Variants in ROBO2 observed in about 807,000 individuals in gnomAD.
The protein encoded by ROBO2 is roundabout homolog 2.
ROBO2 carries 53 observed loss-of-function variants against 160.8 expected under a neutral mutation model. The ratio of observed to expected loss-of-function variants is 0.33; its 90% CI spans 0.26 to 0.41. The LOEUF (loss-of-function observed/expected upper bound fraction) is 0.41. Ranked by LOEUF, ROBO2 falls within the 10% of genes least tolerant of loss-of-function variation. ROBO2 has a pLI of 1.00. For synonymous variants in ROBO2, 664 were observed against 611.7 expected, an observed-to-expected ratio of 1.09 and a Z score of -1.26; for missense variants, 1,577 against 1,722.4, an observed-to-expected ratio of 0.92 and a Z score of 1.49.
intron 2 of ROBO2, among the ~76,000 whole-genome samples, chr3:76,816,456 A>G (rs1057072284): frequency 1.3e-5 from 2 of 152,096 alleles, no homozygotes; most frequent in Admixed American, 1.3e-4. Flanking sequence ...CGTGTGATTC[A>G]GAGTGTAGCA....
chr3:75,926,084 C>T (rs567446836), intron 1 of ROBO2, among the ~76,000 whole-genome samples: 1 of 152,158 alleles, frequency 6.6e-6, no homozygotes, highest in East Asian at 1.9e-4. Context: ...ATATGATGGT[C>T]CTTAAATCTT....
At chr3:76,646,850 G>T (rs2090994929) in intron 2 of ROBO2, among the ~76,000 whole-genome samples, 1 of 152,126 alleles carries the variant, frequency 6.6e-6, no homozygotes, top group African/African-American at 2.4e-5. Flanking sequence ...ATAAAAAGTT[G>T]TTGACTAGGT....
rs12629130 is a variant in ROBO2, at chr3:77,124,307, G to T, written c.388+25967G>T. On this transcript the variant is annotated intron_variant, in intron 2 of 25. Transcript: ENST00000461745. ...AAAAATTGGAAGAGAGGAAAATGGA[G>T]CATATCAGAAGGAAATAGCACGGTG... is the stretch of plus-strand genomic sequence containing the variant. 1.1e-3 allele frequency among the ~76,000 whole-genome samples: 161 copies of T among 152,244 alleles called. 4 individuals carry two copies. In the East Asian group the frequency reaches 0.03, roughly 29 times the overall value.
chr3:77,242,820 A>G (rs1211588703), intron 2 of ROBO2, among the ~76,000 whole-genome samples: 4 of 151,200 alleles, frequency 2.6e-5, no homozygotes, highest in Non-Finnish European at 4.4e-5. Context: ...TAGAGTCTTC[A>G]AGTTGTACAT....
intron 2 of ROBO2, among the ~76,000 whole-genome samples, chr3:76,663,662 G>A (rs2091912352): frequency 1.3e-5 from 2 of 152,132 alleles, no homozygotes; most frequent in East Asian, 3.9e-4. Flanking sequence ...CTAATTGGAA[G>A]AAAGAATGAG....
chr3:76,442,369 T>C (rs2076963780), intron 2 of ROBO2, among the ~76,000 whole-genome samples: 1 of 152,182 alleles, frequency 6.6e-6, no homozygotes, highest in Admixed American at 6.6e-5. Context: ...CAGAGACTTC[T>C]TCAGACGTTT....
chr3:77,356,353 G>C (rs1367151455), intron 2 of ROBO2, among the ~76,000 whole-genome samples: 1 of 152,052 alleles, frequency 6.6e-6, no homozygotes, highest in African/African-American at 2.4e-5. Flanking sequence ...GAGAATGAAA[G>C]AGAGAGACAG....
At chr3:76,943,802 G>A (rs1342352777) in intron 2 of ROBO2, among the ~76,000 whole-genome samples, 3 of 152,038 alleles carry the variant, frequency 2.0e-5, no homozygotes, top group Non-Finnish European at 1.5e-5. Flanking sequence ...GTCTTACTGC[G>A]TGCCAAATAT....
chr3:76,965,555 G>A (rs1019171056), intron 2 of ROBO2, among the ~76,000 whole-genome samples: 6 of 151,870 alleles, frequency 4.0e-5, no homozygotes, highest in Non-Finnish European at 8.8e-5. Context: ...TTGGAGCATT[G>A]GAATGGGTAT....
intron 2 of ROBO2, among the ~76,000 whole-genome samples, chr3:77,463,542 G>T (rs1330022876): frequency 6.6e-6 from 1 of 151,728 alleles, no homozygotes; most frequent in Admixed American, 6.6e-5. Context: ...TTTTATATAT[G>T]GGACAGGGTT....
intron 2 of ROBO2, among the ~76,000 whole-genome samples, chr3:77,243,580 C>T (rs2089331099): frequency 1.3e-5 from 2 of 152,166 alleles, no homozygotes; most frequent in African/African-American, 2.4e-5. Flanking sequence ...TAGTCCCCTC[C>T]ATTTTTCTTG....
intron 2 of ROBO2, among the ~76,000 whole-genome samples, chr3:76,178,849 G>A (rs192326807): frequency 6.6e-6 from 1 of 152,104 alleles, no homozygotes; most frequent in Non-Finnish European, 1.5e-5. Context: ...GCTGAAGCAG[G>A]AGAATCGCTT....
chr3:76,085,136 C>CAT (rs1349287543), intron 2 of ROBO2, among the ~76,000 whole-genome samples: 2 of 151,804 alleles, frequency 1.3e-5, no homozygotes, highest in Non-Finnish European at 2.9e-5. Flanking sequence ...CACACACACA[C>CAT]ACACATACGT....
chr3:77,502,513 C>T (rs971097468), intron 5 of ROBO2, among the ~76,000 whole-genome samples: 5 of 151,926 alleles, frequency 3.3e-5, no homozygotes, highest in African/African-American at 9.7e-5. Flanking sequence ...CTTCTCAACA[C>T]TATATTGGGT....
chr3:77,327,772 A>G lies in ROBO2; in HGVS notation c.389-149642A>G, dbSNP rs545698155. ...AAAAAACATTGAAGATTTAATGGCCAGGTGTCGTGGCTCATGCCTGTAATC... is the reference window on the plus strand; with the variant it reads ...AAAAAACATTGAAGATTTAATGGCCGGGTGTCGTGGCTCATGCCTGTAATC... On this transcript the variant is annotated intron_variant, in intron 2 of 25. Coordinates refer to ENST00000461745, the Ensembl canonical transcript of ROBO2. Among the ~76,000 whole-genome samples, 5 of 152,242 alleles carry G rather than the reference A, an allele frequency of 3.3e-5. 1 individual carries two copies. The South Asian group carries it at 8.3e-4, about 25-fold the overall frequency.
chr3:76,800,296 A>G (rs2608131), intron 2 of ROBO2, among the ~76,000 whole-genome samples: 128,830 of 152,172 alleles, frequency 0.85, 54,663 homozygotes, highest in African/African-American at 0.87. Flanking sequence ...AGACTCTTCA[A>G]GACATTGGCC....
chr3:76,391,094 A>T (rs1193404832), intron 2 of ROBO2, among the ~76,000 whole-genome samples: 1 of 151,952 alleles, frequency 6.6e-6, no homozygotes, highest in Non-Finnish European at 1.5e-5. Context: ...ATGTTATAAT[A>T]AATATTATAA....
At chr3:77,571,812 C>G (rs2093643395) in intron 13 of ROBO2, among the ~76,000 whole-genome samples, 1 of 151,492 alleles carries the variant, frequency 6.6e-6, no homozygotes, top group Admixed American at 6.6e-5. Context: ...TGAGGTAGAA[C>G]ACACATCCAG....
At position 76,946,060 on chromosome 3, in the gene ROBO2, G is replaced by A. The variant is rs28748297; in HGVS notation, c.110-151954G>A. Among the ~76,000 whole-genome samples, 1,106 of 152,268 alleles carry A rather than the reference G, an allele frequency of 7.3e-3. 14 individuals carry two copies. The highest frequency in any genetic ancestry group is 0.026 in the African/African-American group (1,060 of 41,534). On this transcript the variant is annotated intron_variant, in intron 2 of 26. Transcript: ENST00000487694. ...AGTCGTATAAATATTCTTAAGCTGT[G>A]TTCTGAGATACGGTTCCTTAGAAAT...
Sources: allele counts gnomAD v4.1 joint callset (sites outside exome capture counted in the v4.1 genomes callset), GRCh38; gene constraint gnomAD v4.1.1; transcripts MANE v1.5; gene names NCBI Gene and HGNC (gene_info 2026-07-23, HGNC 2026-07-21).